Variants in DENND1A observed in about 807,000 individuals in gnomAD.
DENND1A encodes DENN domain-containing protein 1A.
Under a neutral mutation model 113.7 loss-of-function variants are expected in DENND1A, and 51 were observed. That is an observed-to-expected ratio of 0.45 (90% CI 0.36 to 0.57). DENND1A has a LOEUF of 0.57. Ranked by LOEUF, DENND1A falls within the 20% of genes least tolerant of loss-of-function variation. The probability of loss-of-function intolerance (pLI) is 0.00; values close to 1 mark genes in which losing one functional copy is unlikely to be tolerated. For missense variants in DENND1A, 1,258 were observed against 1,395.9 expected, an observed-to-expected ratio of 0.90 and a Z score of 1.57; for synonymous variants, 565 against 570.8, an observed-to-expected ratio of 0.99 and a Z score of 0.14.
rs528073211 is a variant in DENND1A, at chr9:123,687,575, T to G, written c.303-10786A>C. On this transcript the variant is annotated intron_variant, in intron 5 of 23. Coordinates refer to ENST00000394215, the MANE Select transcript of DENND1A (RefSeq NM_001352964.2). ...CAGACAGCTGATGTTCAAAGCCTCC[T>G]TCGGGTACAAAGCAGAACCTTTCAA... is the stretch of plus-strand genomic sequence containing the variant. Among the ~76,000 whole-genome samples the G allele has an allele frequency of 4.6e-5, 7 of 152,328 alleles. No individual in the cohort carries two copies. The East Asian group carries it at 1.4e-3, about 29-fold the overall frequency.
At chr9:123,709,424 A>G (rs1164659022) in intron 5 of DENND1A, among the ~76,000 whole-genome samples, 3 of 152,062 alleles carry the variant, frequency 2.0e-5, no homozygotes, top group Non-Finnish European at 2.9e-5. Context: ...CATTTTCCCC[A>G]TTCTGAATTC....
intron 2 of DENND1A, among the ~76,000 whole-genome samples, chr9:123,871,043 C>T (rs1846522708): frequency 1.3e-5 from 2 of 151,972 alleles, no homozygotes; most frequent in African/African-American, 4.8e-5. Flanking sequence ...AAAAGAGCTC[C>T]CCCCGCCATA....
chr9:123,690,966 G>A (rs1260743429), intron 5 of DENND1A, among the ~76,000 whole-genome samples: 1 of 152,202 alleles, frequency 6.6e-6, no homozygotes, highest in Non-Finnish European at 1.5e-5. Context: ...TCAGGGCAAG[G>A]ATGGTGTGCT....
At chr9:123,798,736 A>AC (rs1834154797) in intron 2 of DENND1A, among the ~76,000 whole-genome samples, 1 of 151,780 alleles carries the variant, frequency 6.6e-6, no homozygotes. Context: ...AAAAAAAAAA[A>AC]AAAAAAAAAA....
At chr9:123,537,693 T>A (rs1427741677) in intron 13 of DENND1A, among the ~76,000 whole-genome samples, 2 of 151,602 alleles carry the variant, frequency 1.3e-5, no homozygotes, top group Non-Finnish European at 2.9e-5. Context: ...AGTGACTTAT[T>A]AACAAAATAA....
At chr9:123,632,983 C>T (rs2061546238) in intron 9 of DENND1A, among the ~76,000 whole-genome samples, 1 of 152,140 alleles carries the variant, frequency 6.6e-6, no homozygotes, top group South Asian at 2.1e-4. Flanking sequence ...TCTCGGCTCA[C>T]TACAACGTCT....
chr9:123,812,815 G>A (rs1014157480), intron 2 of DENND1A, among the ~76,000 whole-genome samples: 1 of 151,806 alleles, frequency 6.6e-6, no homozygotes. Flanking sequence ...TATGTATTCT[G>A]GATCCTAAGC....
chr9:123,473,106 GA>G (rs1328823318), intron 13 of DENND1A, among the ~76,000 whole-genome samples: 1 of 152,056 alleles, frequency 6.6e-6, no homozygotes, highest in Non-Finnish European at 1.5e-5. Flanking sequence ...GGCCGTGTCT[GA>G]CTCGCCTCTG....
At chr9:123,635,346 C>G (rs770602634) in intron 9 of DENND1A, among the ~76,000 whole-genome samples, 1 of 152,226 alleles carries the variant, frequency 6.6e-6, no homozygotes, top group Non-Finnish European at 1.5e-5. Flanking sequence ...GATTAGGAAA[C>G]AGTTTCAGAG....
intron 2 of DENND1A, among the ~76,000 whole-genome samples, chr9:123,811,786 G>C (rs1477022168): frequency 6.6e-6 from 1 of 152,072 alleles, no homozygotes; most frequent in South Asian, 2.1e-4. Context: ...AGGTTTGTGG[G>C]TTTGCCTCTT....
At chr9:123,685,197 A>G (rs1483446228) in intron 5 of DENND1A, among the ~76,000 whole-genome samples, 1 of 152,228 alleles carries the variant, frequency 6.6e-6, no homozygotes, top group Non-Finnish European at 1.5e-5. Flanking sequence ...TCACCCTGAT[A>G]ATACCGTACT....
At chr9:123,586,167 T>C (rs2059153073) in intron 11 of DENND1A, among the ~76,000 whole-genome samples, 1 of 151,996 alleles carries the variant, frequency 6.6e-6, no homozygotes, top group African/African-American at 2.4e-5. Flanking sequence ...ATCAACTACT[T>C]TGCCTCATCT....
At chr9:123,884,349 T>C (rs1190718075) in intron 1 of DENND1A, among the ~76,000 whole-genome samples, 2 of 152,232 alleles carry the variant, frequency 1.3e-5, no homozygotes, top group Non-Finnish European at 2.9e-5. Context: ...GAATGCCACA[T>C]TCAGAGCCAA....
At chr9:123,910,974 T>C (rs746002180) in intron 1 of DENND1A, among the ~76,000 whole-genome samples, 85 of 152,004 alleles carry the variant, frequency 5.6e-4, no homozygotes, top group Non-Finnish European at 1.0e-3. Context: ...CACTATTAAG[T>C]GTAAAAAGGC....
intron 20 of DENND1A, among the ~76,000 whole-genome samples, chr9:123,407,478 G>A (rs2043967945): frequency 6.6e-6 from 1 of 152,098 alleles, no homozygotes; most frequent in East Asian, 1.9e-4. Flanking sequence ...ACACACGGTG[G>A]CAGACCACAA....
intron 5 of DENND1A, among the ~76,000 whole-genome samples, chr9:123,722,707 C>A (rs1310898608): frequency 6.6e-6 from 1 of 152,200 alleles, no homozygotes; most frequent in Non-Finnish European, 1.5e-5. Flanking sequence ...ATTAAGCCTG[C>A]AGGTGCAGAG....
At position 123,380,348 on chromosome 9, in the gene DENND1A, G is replaced by A; in HGVS notation, c.*1084C>T. The A allele has an allele frequency of 6.5e-6, 1 of 152,696 alleles. No individual in the cohort carries two copies. 9.5% of individuals were successfully genotyped at this position (152,696 alleles called of 1,614,324 possible). ...CTAACTTTGGTGACGTTGGCCTCAGGAATTTCTGTGCTGGCCTGGAGCTCT... is the reference window on the plus strand; with the variant it reads ...CTAACTTTGGTGACGTTGGCCTCAGAAATTTCTGTGCTGGCCTGGAGCTCT... On this transcript the variant is annotated 3_prime_UTR_variant, in exon 24 of 24. Coordinates refer to ENST00000394215, the MANE Select transcript of DENND1A (RefSeq NM_001352964.2).
chr9:123,544,146 A>C (rs2056486705), intron 13 of DENND1A, among the ~76,000 whole-genome samples: 1 of 152,206 alleles, frequency 6.6e-6, no homozygotes, highest in Non-Finnish European at 1.5e-5. Flanking sequence ...AAAAACAACC[A>C]ACAAGAAATA....
At chr9:123,479,468 C>T (rs1426219629) in intron 13 of DENND1A, among the ~76,000 whole-genome samples, 1 of 152,210 alleles carries the variant, frequency 6.6e-6, no homozygotes, top group East Asian at 1.9e-4. Flanking sequence ...GGTGGCTTCC[C>T]AATCACTACC....
Sources: allele counts gnomAD v4.1 joint callset (sites outside exome capture counted in the v4.1 genomes callset), GRCh38; gene constraint gnomAD v4.1.1; transcripts MANE v1.5; gene names NCBI Gene and HGNC (gene_info 2026-07-23, HGNC 2026-07-21).